The following TMEM239 variants were observed in gnomAD, a reference collection of about 807,000 sequenced individuals.
TMEM239 encodes the protein transmembrane protein 239.
In TMEM239, 10 loss-of-function variants were observed where a neutral mutation model predicts 14.6. That is an observed-to-expected ratio of 0.68 (90% CI 0.42 to 1.16). The LOEUF is 1.16. Ranked by LOEUF, TMEM239 falls within the 50% of genes most tolerant of loss-of-function variation. The pLI is 0.00. For synonymous variants in TMEM239, 94 were observed against 89.9 expected (o/e 1.05, Z -0.26); for missense variants, 183 against 194.4 (o/e 0.94, Z 0.35).
Position 2,816,586 on chromosome 20 carries a change from C to G in TMEM239, c.32C>G (p.Thr11Ser), listed in dbSNP as rs888251345. The G allele has an allele frequency of 6.5e-7, 1 of 1,536,256 alleles. No individual in the cohort carries two copies. Among genetic ancestry groups the G allele is most frequent in the Non-Finnish European group, 8.7e-7 (1 of 1,146,582 alleles). Residue 11 changes from threonine (T) to serine (S), a missense_variant, in exon 2 of 2, where the codon ACC becomes AGC. Thr to Ser is a moderately conservative substitution (Grantham distance 58). Coordinates refer to ENST00000380585, the MANE Select transcript of TMEM239 (RefSeq NM_001167670.3). MMQQPRVETD[T>S]IGAGEGPQQA... ...CAGCAGCCGCGAGTGGAGACAGATACCATCGGGGCTGGCGAGGGGCCACAG... is the reference window on the plus strand; with the variant it reads ...CAGCAGCCGCGAGTGGAGACAGATAGCATCGGGGCTGGCGAGGGGCCACAG...
upstream of TMEM239, chr20:2,816,184 C>T: frequency 2.1e-5 from 14 of 652,160 alleles, 1 homozygote; most frequent in South Asian, 2.7e-4. Context: ...TGAGAAACTA[C>T]ATCTGCGGGG....
chr20:2,815,955 G>T, upstream of TMEM239: 1 of 647,040 alleles, frequency 1.5e-6, no homozygotes, highest in South Asian at 1.9e-5. Flanking sequence ...GGCAGCAAGA[G>T]AAGGTAGGAT....
downstream of TMEM239, chr20:2,820,190 C>T (rs1019624033): frequency 6.6e-6 from 1 of 152,128 alleles, no homozygotes; most frequent in South Asian, 2.1e-4. Context: ...GAAAGATAAA[C>T]AGAATGGAAT....
upstream of TMEM239, chr20:2,815,839 C>CCTT (rs1555793376): frequency 3.7e-6 from 5 of 1,358,462 alleles, no homozygotes; most frequent in East Asian, 4.6e-5. Context: ...CATCAGGCCC[C>CCTT]CTTTTCTCCT....
At chr20:2,816,498 C>A (rs765799574) in intron 1 of TMEM239, 46 bp from the exon 2 acceptor site, 125 of 1,530,966 alleles carry the variant, frequency 8.2e-5, no homozygotes, top group African/African-American at 6.6e-4. Flanking sequence ...TCTGCCCCCC[C>A]CCCCCAAGGT....
At position 2,816,517 on chromosome 20, in the gene TMEM239, T is replaced by G. The variant is rs1176364694; in HGVS notation, c.-11-27T>G. 8 of 952,308 alleles carry G rather than the reference T, an allele frequency of 8.4e-6. No homozygotes were observed. The African/African-American group carries it at 1.3e-4, about 16-fold the overall frequency. 59.0% of individuals were successfully genotyped at this position (952,308 alleles called of 1,614,324 possible). A position where few individuals can be genotyped will look rare whatever the true frequency, so the allele number is the denominator to read the frequency against. ...CCCCCCCCCCCCAAGGTCCCAGGCA[T>G]CTTCAAGACCCTGGCCCTCTCCCCA... On this transcript the variant is annotated intron_variant, in intron 1 of 1. Coordinates refer to ENST00000380585, the MANE Select transcript of TMEM239 (RefSeq NM_001167670.3).
At chr20:2,819,003 C>T (rs1025920782), downstream of TMEM239, 1 of 152,248 alleles carries the variant, frequency 6.6e-6, no homozygotes, top group Non-Finnish European at 1.5e-5. Context: ...CACAAACAAC[C>T]TAACTAACTG....
chr20:2,816,311 C>A (rs1367213998), upstream of TMEM239: 3 of 1,533,426 alleles, frequency 2.0e-6, no homozygotes, highest in South Asian at 1.2e-5. Context: ...CACAAAGGGG[C>A]TCCTCTGGGG....
rs768024849 is a variant in TMEM239 at position 2,817,321 on chromosome 20, T to C, written c.*308T>C. Reference sequence around the variant, plus strand: ...GATAGCGCCCATATGGATGTGATGATACCCGTGGGGCCCCCTTGGCAACTG... The same window carrying C: ...GATAGCGCCCATATGGATGTGATGACACCCGTGGGGCCCCCTTGGCAACTG... On this transcript the variant is annotated 3_prime_UTR_variant, in exon 2 of 2. Coordinates refer to ENST00000380585, the MANE Select transcript of TMEM239 (RefSeq NM_001167670.3). 20 of 524,186 alleles carry C rather than the reference T, an allele frequency of 3.8e-5. No individual in the cohort carries two copies. The highest frequency in any genetic ancestry group is 6.7e-5 in the Non-Finnish European group (20 of 297,782). 32.5% of individuals were successfully genotyped at this position (524,186 alleles called of 1,614,324 possible). A position where few individuals can be genotyped will look rare whatever the true frequency, so the allele number is the denominator to read the frequency against.
upstream of TMEM239, chr20:2,816,191 GGGGCTCCGA>G (rs2088666483): frequency 1.5e-6 from 1 of 665,218 alleles, no homozygotes; most frequent in Admixed American, 2.8e-5. Context: ...CTACATCTGC[GGGGCTCCGA>G]GGCTCCCCTG....
In TMEM239 at chr20:2,817,197, G is replaced by C. The variant is rs148640817; in HGVS notation, c.*184G>C. The C allele has an allele frequency of 1.3e-6, 1 of 746,008 alleles. No individual in the cohort carries two copies. The highest frequency in any genetic ancestry group is 2.1e-6 in the Non-Finnish European group (1 of 469,182). The allele number at this position is 746,008 out of a possible 1,614,324, so 46.2% of individuals were successfully genotyped here. A position where few individuals can be genotyped will look rare whatever the true frequency, so the allele number is the denominator to read the frequency against. ...CCTCAAGTCAATGCTGCAGGTTCCT[G>C]GTGTGAGGGGCTGGGGGCTTTGAGA... On this transcript the variant is annotated 3_prime_UTR_variant, in exon 2 of 2. Transcript: ENST00000380585.
Position 2,817,131 on chromosome 20 carries a change from CT to C in TMEM239, c.*119del, listed in dbSNP as rs2088686441. ...CCCTGCCTTGGCAGGGCCCAGACCC[CT>C]AGTCCCTAACAGGTAGACTGGCCTG... On this transcript the variant is annotated 3_prime_UTR_variant, in exon 2 of 2. Coordinates refer to ENST00000380585, the MANE Select transcript of TMEM239 (RefSeq NM_001167670.3). 1.5e-6 allele frequency: 2 copies of C among 1,329,944 alleles called. No individual in the cohort carries two copies. The highest frequency in any genetic ancestry group is 5.0e-5 in the East Asian group (2 of 39,762). 82.4% of individuals were successfully genotyped at this position (1,329,944 alleles called of 1,614,324 possible).
In TMEM239 at chr20:2,816,499, C is replaced by T. The variant is rs753308764; in HGVS notation, c.-11-45C>T. The T allele has an allele frequency of 7.5e-5, 115 of 1,531,236 alleles. 1 individual carries two copies. Among genetic ancestry groups the T allele is most frequent in the South Asian group, 6.5e-4 (54 of 83,634 alleles). 94.9% of individuals were successfully genotyped at this position (1,531,236 alleles called of 1,614,324 possible). ...CCCTGCACCCCCTCTCTGCCCCCCC[C>T]CCCCAAGGTCCCAGGCATCTTCAAG... On this transcript the variant is annotated intron_variant, in intron 1 of 1. Coordinates refer to ENST00000380585, the MANE Select transcript of TMEM239 (RefSeq NM_001167670.3).
At chr20:2,819,576 A>ATT (rs34492388), downstream of TMEM239, 19,304 of 127,308 alleles carry the variant, frequency 0.15, 1,784 homozygotes, top group Non-Finnish European at 0.19. Context: ...CAGAGTCTGC[A>ATT]TTTTTTTTTT....
rs770098588 is a variant in TMEM239, at chr20:2,816,566, G to T, written c.12G>T (p.Gln4His). MMQ[Q>H]PRVETDTIGA... ...CAGGTGCACCAGACATGATGCAGCA[G>T]CCGCGAGTGGAGACAGATACCATCG... Residue 4 changes from glutamine to histidine, a missense_variant, in exon 2 of 2, where the codon CAG becomes CAT. Coordinates refer to ENST00000380585, the MANE Select transcript of TMEM239 (RefSeq NM_001167670.3). 599 of 1,369,914 alleles carry T rather than the reference G, an allele frequency of 4.4e-4. No homozygotes were observed. Among genetic ancestry groups the T allele is most frequent in the Middle Eastern group, 5.8e-4 (3 of 5,146 alleles). The allele number at this position is 1,369,914 out of a possible 1,614,324, so 84.9% of individuals were successfully genotyped here. A position where few individuals can be genotyped will look rare whatever the true frequency, so the allele number is the denominator to read the frequency against.
rs757335069 is a variant in TMEM239 at position 2,816,709 on chromosome 20, C to T, written c.155C>T (p.Ser52Leu). The change falls in exon 2 of 2, where the codon TCG (serine) becomes TTG (leucine). Residue 52 changes from serine (S) to leucine (L), a missense_variant. Physicochemically the swap from Ser to Leu is moderately radical, Grantham distance 145. Coordinates refer to ENST00000380585, the MANE Select transcript of TMEM239 (RefSeq NM_001167670.3). ...PPSWIQWWST[S>L]NWRQPLQRLL... ...AGCTGGATCCAGTGGTGGAGCACCT[C>T]GAACTGGCGGCAACCGCTGCAGCGC... 7 of 1,546,920 alleles carry T rather than the reference C, an allele frequency of 4.5e-6. No individual in the cohort carries two copies. Among genetic ancestry groups the T allele is most frequent in the East Asian group, 4.9e-5 (2 of 40,862 alleles).
downstream of TMEM239, chr20:2,819,576 ATTT>A (rs34492388): frequency 6.3e-5 from 8 of 127,426 alleles, no homozygotes; most frequent in Admixed American, 8.1e-5. Flanking sequence ...CAGAGTCTGC[ATTT>A]TTTTTTTTTT....
chr20:2,817,957 A>G lies in TMEM239; in HGVS notation c.*944A>G, dbSNP rs1460342647. Reference sequence around the variant, plus strand: ...GAACAGGAAGCTTCTCTGGGCTTTCAGATCAACTCTCTGTCCTGGATAGAA... The same window carrying G: ...GAACAGGAAGCTTCTCTGGGCTTTCGGATCAACTCTCTGTCCTGGATAGAA... On this transcript the variant is annotated 3_prime_UTR_variant, in exon 2 of 2. Transcript: ENST00000380585. 1 of 152,270 alleles carries G rather than the reference A, an allele frequency of 6.6e-6. No homozygotes were observed. The highest frequency in any genetic ancestry group is 2.4e-5 in the African/African-American group (1 of 41,468). 9.4% of individuals were successfully genotyped at this position (152,270 alleles called of 1,614,324 possible).
In TMEM239 at chr20:2,816,546, G is replaced by T; in HGVS notation, c.-9G>T. The T allele has an allele frequency of 6.8e-7, 1 of 1,467,022 alleles. No individual in the cohort carries two copies. Among genetic ancestry groups the T allele is most frequent in the Non-Finnish European group, 9.0e-7 (1 of 1,107,916 alleles). 90.9% of individuals were successfully genotyped at this position (1,467,022 alleles called of 1,614,324 possible). On this transcript the variant is annotated splice_region_variant and 5_prime_UTR_variant, in exon 2 of 2. Coordinates refer to ENST00000380585, the MANE Select transcript of TMEM239 (RefSeq NM_001167670.3). ...CAAGACCCTGGCCCTCTCCCCAGGT[G>T]CACCAGACATGATGCAGCAGCCGCG...
Sources: gnomAD v4.1 joint callset for allele counts on GRCh38, gnomAD v4.1.1 for gene constraint, MANE v1.5 for transcripts, NCBI Gene and HGNC (gene_info 2026-07-23, HGNC 2026-07-21) for gene names.